The following PRKG2 variants were observed in gnomAD, a reference collection of about 807,000 sequenced individuals.
The protein encoded by PRKG2 is protein kinase cGMP-dependent 2.
PRKG2 carries 33 observed loss-of-function variants against 97.2 expected under a neutral mutation model. That is an observed-to-expected ratio of 0.34 (90% CI 0.26 to 0.45). The LOEUF (loss-of-function observed/expected upper bound fraction) is 0.45. PRKG2 is among the 20% of genes least tolerant of loss of function. PRKG2 has a pLI of 1.00. For missense variants in PRKG2, 638 were observed against 900.0 expected (o/e 0.71, Z 3.73); for synonymous variants, 330 against 321.8 (o/e 1.03, Z -0.27).
intron 9 of PRKG2, among the ~76,000 whole-genome samples, chr4:81,144,989 T>C (rs1288175776): frequency 6.6e-6 from 1 of 152,142 alleles, no homozygotes; most frequent in Non-Finnish European, 1.5e-5. Flanking sequence ...TGCCACATTT[T>C]CTTAATCCAG....
At chr4:81,216,595 T>C (rs1270738406), upstream of PRKG2, among the ~76,000 whole-genome samples, 1 of 152,148 alleles carries the variant, frequency 6.6e-6, no homozygotes, top group Non-Finnish European at 1.5e-5. Context: ...ACATAACACA[T>C]AGTGGTGAGG....
intron 14 of PRKG2, among the ~76,000 whole-genome samples, chr4:81,123,080 G>C (rs1482753473): frequency 6.6e-6 from 1 of 152,216 alleles, no homozygotes; most frequent in Non-Finnish European, 1.5e-5. Context: ...ATTAGATGAA[G>C]TGTATTATTT....
At chr4:81,174,113 T>C (rs1384725447) in intron 3 of PRKG2, among the ~76,000 whole-genome samples, 1 of 152,060 alleles carries the variant, frequency 6.6e-6, no homozygotes, top group Admixed American at 6.6e-5. Flanking sequence ...TATCTAACCA[T>C]TATAATCTTC....
intron 1 of PRKG2, among the ~76,000 whole-genome samples, chr4:81,207,728 T>C (rs990844371): frequency 3.3e-5 from 5 of 152,098 alleles, no homozygotes; most frequent in Non-Finnish European, 7.4e-5. Context: ...CAAAGAGGGG[T>C]AAAATGAGAG....
intron 6 of PRKG2, among the ~76,000 whole-genome samples, chr4:81,158,108 G>C (rs1483464268): frequency 1.4e-5 from 2 of 146,638 alleles, no homozygotes; most frequent in East Asian, 3.9e-4. Context: ...GGAAATAAAG[G>C]GTATTCAATT....
rs1741343008 is a variant in PRKG2 at position 81,089,536 on chromosome 4, A to AT, written c.*171dup. On this transcript the variant is annotated 3_prime_UTR_variant, in exon 19 of 19. Coordinates refer to ENST00000264399, the MANE Select transcript of PRKG2 (RefSeq NM_006259.3). ...ATTCACAGCATCTAAATAAGACACT[A>AT]TAACTCAGAACCATATCCACACCAT... 1.9e-6 allele frequency: 1 copy of AT among 517,502 alleles called. No individual in the cohort carries two copies. The highest frequency in any genetic ancestry group is 1.9e-5 in the African/African-American group (1 of 51,540). 32.1% of individuals were successfully genotyped at this position (517,502 alleles called of 1,614,324 possible). A position where few individuals can be genotyped will look rare whatever the true frequency, so the allele number is the denominator to read the frequency against.
At chr4:81,156,430 C>G (rs1749101439) in intron 6 of PRKG2, among the ~76,000 whole-genome samples, 1 of 152,132 alleles carries the variant, frequency 6.6e-6, no homozygotes, top group African/African-American at 2.4e-5. Flanking sequence ...ATTCATAAAG[C>G]AAGTCCTGAA....
rs181269814 is a variant in PRKG2 at position 81,129,408 on chromosome 4, G to A, written c.1776+5747C>T. 1.4e-3 allele frequency among the ~76,000 whole-genome samples: 206 copies of A among 152,172 alleles called. 4 individuals are homozygous for A. The highest frequency in any genetic ancestry group is 0.013 in the Admixed American group (194 of 15,292). ...AATTCCTGTTAATTTTCTGTCCATT[G>A]ATCTGTCTAATGTTGACAGTGGAGT... is the stretch of plus-strand genomic sequence containing the variant. On this transcript the variant is annotated intron_variant, in intron 14 of 18. Transcript: ENST00000264399.
intron 6 of PRKG2, among the ~76,000 whole-genome samples, chr4:81,159,332 T>G (rs935721175): frequency 6.6e-6 from 1 of 152,132 alleles, no homozygotes; most frequent in Non-Finnish European, 1.5e-5. Context: ...AGAAGACATT[T>G]ATGCAGCCAA....
intron 2 of PRKG2, among the ~76,000 whole-genome samples, chr4:81,192,588 T>G (rs896229457): frequency 3.9e-5 from 6 of 152,190 alleles, no homozygotes; most frequent in Non-Finnish European, 8.8e-5. Context: ...ATCTCAGATC[T>G]CTCATCTATG....
chr4:81,196,814 T>A (rs570964877), intron 2 of PRKG2, among the ~76,000 whole-genome samples: 2 of 151,656 alleles, frequency 1.3e-5, no homozygotes, highest in South Asian at 4.2e-4. Context: ...CACTTTAAAA[T>A]CTACAACTAA....
chr4:81,146,398 ACAGT>A lies in PRKG2; in HGVS notation c.1155-2072_1155-2069del, dbSNP rs200079062. Among the ~76,000 whole-genome samples, 1,167 of 152,252 alleles carry A rather than the reference ACAGT, an allele frequency of 7.7e-3. 19 individuals carry two copies. Among genetic ancestry groups the A allele is most frequent in the African/African-American group, 0.027 (1,107 of 41,548 alleles). On this transcript the variant is annotated intron_variant, in intron 9 of 18. Transcript: ENST00000264399. ...AACTTTTTTTTTGAAATTTGTCCCA[ACAGT>A]CAGTGATAGAGATGTGACAAATAGC...
intron 14 of PRKG2, among the ~76,000 whole-genome samples, 153 bp from the exon 15 acceptor site, chr4:81,110,764 G>GACAGACAGAC (rs1553919022): frequency 6.2e-5 from 9 of 146,326 alleles, no homozygotes; most frequent in African/African-American, 2.3e-4. Context: ...GAGAGAGAGA[G>GACAGACAGAC]AGACAGACAG....
At chr4:81,092,544 T>G in intron 17 of PRKG2, 92 bp from the exon 18 acceptor site, 3 of 780,648 alleles carry the variant, frequency 3.8e-6, no homozygotes, top group Non-Finnish European at 4.2e-6. Context: ...AAAGGAATAT[T>G]ACTTGGATGA....
At chr4:81,195,987 GC>G (rs1396715017) in intron 2 of PRKG2, among the ~76,000 whole-genome samples, 1 of 152,158 alleles carries the variant, frequency 6.6e-6, no homozygotes. Context: ...ATGACGGAAG[GC>G]CATTCCTGGG....
intron 17 of PRKG2, among the ~76,000 whole-genome samples, chr4:81,093,600 G>A (rs957088956): frequency 1.3e-5 from 2 of 152,082 alleles, no homozygotes; most frequent in Non-Finnish European, 2.9e-5. Flanking sequence ...TGGGACAGGG[G>A]CTCAATAAAT....
rs769976340 is a variant in PRKG2, at chr4:81,105,854, C to T, written c.2022G>A (p.Lys674=). 8 of 1,613,744 alleles carry T rather than the reference C, an allele frequency of 5.0e-6. No homozygotes were observed. The highest frequency in any genetic ancestry group is 6.8e-6 in the Non-Finnish European group (8 of 1,179,832). ...KGIEKMDFPR[K]ITRRPEDLIR... ...TCAAATCCTCAGGTCGTCGTGTTAT[C>T]TTCCTGGGAAAATCCATTTTTTCAA... Residue 674 remains lysine, a synonymous_variant, in exon 16 of 19, where the codon AAG becomes AAA. Coordinates refer to ENST00000264399, the MANE Select transcript of PRKG2 (RefSeq NM_006259.3).
Position 81,204,710 on chromosome 4 carries a change from A to G in PRKG2, c.338T>C (p.Val113Ala). 1.2e-6 allele frequency: 2 copies of G among 1,614,118 alleles called. No individual in the cohort carries two copies. The highest frequency in any genetic ancestry group is 1.6e-4 in the Middle Eastern group (1 of 6,062). The stretch of plus-strand genomic sequence containing the variant: ...TGCTCCCCTCCTGCTATGGAGAGAG[A>G]CCAATCCAGAGGTCTTCCGGTGGAC... ...LEVHRKTSGLVSLHSRRGAKA... is the reference protein window; with the variant it reads ...LEVHRKTSGLASLHSRRGAKA... The change falls in exon 2 of 19, where the codon GTC becomes GCC. Residue 113 changes from valine (V) to alanine (A), a missense_variant. This residue lies in a region of PRKG2 where 332 missense variants were observed against 421.7 expected (regional missense o/e 0.79). Coordinates refer to ENST00000264399, the MANE Select transcript of PRKG2 (RefSeq NM_006259.3).
intron 14 of PRKG2, among the ~76,000 whole-genome samples, chr4:81,131,418 C>T (rs188218451): frequency 1.2e-4 from 18 of 152,314 alleles, no homozygotes; most frequent in African/African-American, 3.8e-4. Flanking sequence ...CCTATTTGGC[C>T]ATCTTGCCAG....
Sources: allele counts gnomAD v4.1 joint callset (sites outside exome capture counted in the v4.1 genomes callset), GRCh38; gene constraint gnomAD v4.1.1; regional missense constraint gnomAD v4.1.1; transcripts MANE v1.5; gene names NCBI Gene and HGNC (gene_info 2026-07-23, HGNC 2026-07-21).